The following DCC variants were observed in gnomAD, a reference collection of about 807,000 sequenced individuals.
DCC encodes the protein netrin receptor DCC.
A neutral mutation model predicts 172.5 loss-of-function variants in DCC; 58 were observed. The observed-to-expected ratio is 0.34, with a 90% CI of 0.27 to 0.42. The LOEUF is 0.42. Among genes scored for constraint, DCC ranks in the 10% least tolerant of loss-of-function variants. The pLI is 1.00. For synonymous variants in DCC, 709 were observed against 644.5 expected, an observed-to-expected ratio of 1.10 and a Z score of -1.52; for missense variants, 1,740 against 1,791.0, an observed-to-expected ratio of 0.97 and a Z score of 0.51.
At chr18:53,466,834 G>A (rs544987894) in intron 24 of DCC, among the ~76,000 whole-genome samples, 2 of 152,242 alleles carry the variant, frequency 1.3e-5, no homozygotes, top group East Asian at 1.9e-4. Context: ...CCAGGTTTGC[G>A]TAGTTTACTG....
chr18:53,424,409 T>A (rs560889486), intron 21 of DCC, among the ~76,000 whole-genome samples: 2 of 152,300 alleles, frequency 1.3e-5, no homozygotes, highest in African/African-American at 4.8e-5. Context: ...GAAGGAAGTA[T>A]GGTTCCGTGG....
At chr18:53,274,572 G>A (rs2056784631) in intron 12 of DCC, among the ~76,000 whole-genome samples, 1 of 152,108 alleles carries the variant, frequency 6.6e-6, no homozygotes, top group Non-Finnish European at 1.5e-5. Flanking sequence ...AAGTTGCATA[G>A]GAGAAAACTG....
chr18:52,357,562 T>A (rs1598858548), intron 1 of DCC, among the ~76,000 whole-genome samples: 1 of 152,112 alleles, frequency 6.6e-6, no homozygotes, highest in East Asian at 1.9e-4. Flanking sequence ...TGCAGAAGAA[T>A]TCAAAATATT....
intron 5 of DCC, among the ~76,000 whole-genome samples, chr18:52,959,852 G>T (rs2145565877): frequency 6.6e-6 from 1 of 152,176 alleles, no homozygotes; most frequent in South Asian, 2.1e-4. Flanking sequence ...TGTTTTCAGA[G>T]TCTGCTGGTG....
chr18:52,353,791 T>C (rs577445057), intron 1 of DCC, among the ~76,000 whole-genome samples: 3 of 152,254 alleles, frequency 2.0e-5, no homozygotes, highest in South Asian at 2.1e-4. Flanking sequence ...TGAAAATCAC[T>C]AGTGTTCCTC....
chr18:52,574,904 C>A lies in DCC; in HGVS notation c.92-177150C>A, dbSNP rs77331184. Among the ~76,000 whole-genome samples the A allele has an allele frequency of 3.6e-3, 545 of 152,174 alleles. 16 individuals are homozygous for A. The East Asian group carries it at 0.062, about 17-fold the overall frequency. ...TTCCATACAAATGAAGCAAATTTAA[C>A]ACCTGTTTAGAAATGCAAAGTCATA... On this transcript the variant is annotated intron_variant, in intron 1 of 28. Coordinates refer to ENST00000442544, the MANE Select transcript of DCC (RefSeq NM_005215.4).
At chr18:53,474,084 C>A (rs1231375927) in intron 25 of DCC, among the ~76,000 whole-genome samples, 2 of 151,998 alleles carry the variant, frequency 1.3e-5, no homozygotes. Flanking sequence ...ACATAGTTTT[C>A]CAAAATTTAT....
At chr18:52,408,037 T>A (rs1438623282) in intron 1 of DCC, among the ~76,000 whole-genome samples, 1 of 152,130 alleles carries the variant, frequency 6.6e-6, no homozygotes, top group Non-Finnish European at 1.5e-5. Flanking sequence ...TATCTACTTA[T>A]AAATCTGCTG....
rs866698761 is a variant in DCC, at chr18:52,755,209, C to G, written c.412+2835C>G. Among the ~76,000 whole-genome samples, 4 of 152,312 alleles carry G rather than the reference C, an allele frequency of 2.6e-5. 1 individual carries two copies. The South Asian group carries it at 8.3e-4, about 32-fold the overall frequency. On this transcript the variant is annotated intron_variant, in intron 2 of 28. Transcript: ENST00000442544. ...AGTTGTCCACAAGGCCAGAGGAGGT[C>G]TGCTGATTTGAATGAAGCAGGCTGA...
intron 2 of DCC, among the ~76,000 whole-genome samples, chr18:52,860,726 G>A (rs1029399514): frequency 1.3e-5 from 2 of 152,144 alleles, no homozygotes; most frequent in African/African-American, 4.8e-5. Flanking sequence ...CTAGCCGGGC[G>A]CTGTGCTTCA....
At chr18:52,739,569 C>T (rs9304427) in intron 1 of DCC, among the ~76,000 whole-genome samples, 57,285 of 152,062 alleles carry the variant, frequency 0.38, 11,296 homozygotes, top group South Asian at 0.45. Flanking sequence ...GAGTCTGTCA[C>T]TGCTATTCAG....
chr18:52,873,554 GT>G (rs1043615285), intron 2 of DCC, among the ~76,000 whole-genome samples: 22 of 152,114 alleles, frequency 1.4e-4, no homozygotes, highest in African/African-American at 5.3e-4. Context: ...ACCACAAGAG[GT>G]TTGATCATTT....
chr18:52,691,640 G>A (rs1568044631), intron 1 of DCC, among the ~76,000 whole-genome samples: 1 of 152,110 alleles, frequency 6.6e-6, no homozygotes, highest in African/African-American at 2.4e-5. Flanking sequence ...TGGGTTCAGT[G>A]CCCACTGTAA....
rs11323974 is a variant in DCC, at chr18:53,333,069, C to CAA, written c.2165-6630_2165-6629dup. 3.0e-3 allele frequency among the ~76,000 whole-genome samples: 364 copies of CAA among 120,538 alleles called. 5 individuals are homozygous for CAA. The highest frequency in any genetic ancestry group is 0.028 in the South Asian group (115 of 4,156). 79.1% of individuals were successfully genotyped at this position (120,538 alleles called of 152,430 possible). A position where few individuals can be genotyped will look rare whatever the true frequency, so the allele number is the denominator to read the frequency against. ...TGGGTGACAGAGTGAGAACCTGTCT[C>CAA]AAAAAAAAAAAAAAAGGAGAATATT... is the stretch of plus-strand genomic sequence containing the variant. On this transcript the variant is annotated intron_variant, in intron 14 of 28. Coordinates refer to ENST00000442544, the MANE Select transcript of DCC (RefSeq NM_005215.4).
chr18:53,279,964 G>A (rs8095056), intron 12 of DCC, among the ~76,000 whole-genome samples: 99,618 of 151,820 alleles, frequency 0.66, 36,648 homozygotes, highest in Non-Finnish European at 0.82. Flanking sequence ...GAGGGAGATA[G>A]TAAAAAAAAA....
At chr18:52,590,534 T>C (rs1334197398) in intron 1 of DCC, among the ~76,000 whole-genome samples, 1 of 152,242 alleles carries the variant, frequency 6.6e-6, no homozygotes, top group Non-Finnish European at 1.5e-5. Context: ...TTGGCACAGA[T>C]CTGTTTGTTT....
chr18:52,765,200 ATT>A (rs563633847), intron 2 of DCC, among the ~76,000 whole-genome samples: 2,635 of 138,106 alleles, frequency 0.019, 50 homozygotes, highest in African/African-American at 0.037. Flanking sequence ...CTCCTGGCTA[ATT>A]TTTTTTTTTT....
intron 1 of DCC, among the ~76,000 whole-genome samples, chr18:52,380,438 C>G (rs1310353340): frequency 6.6e-6 from 1 of 152,028 alleles, no homozygotes; most frequent in African/African-American, 2.4e-5. Context: ...ACCCAAGCAC[C>G]TACGCAATTA....
intron 5 of DCC, among the ~76,000 whole-genome samples, chr18:53,046,929 T>C (rs981389869): frequency 1.3e-5 from 2 of 151,698 alleles, no homozygotes; most frequent in African/African-American, 4.8e-5. Flanking sequence ...TTTCATTTTT[T>C]TAATGCAGTG....
Sources: allele counts gnomAD v4.1 joint callset (sites outside exome capture counted in the v4.1 genomes callset), GRCh38; gene constraint gnomAD v4.1.1; transcripts MANE v1.5; gene names NCBI Gene and HGNC (gene_info 2026-07-23, HGNC 2026-07-21).